TRAF3: variants seen among roughly 807,000 people sequenced by gnomAD.
TRAF3 encodes the protein TNF receptor associated factor 3.
A neutral mutation model predicts 62.3 loss-of-function variants in TRAF3; 13 were observed. The ratio of observed to expected loss-of-function variants is 0.21; its 90% CI spans 0.14 to 0.33. The LOEUF (loss-of-function observed/expected upper bound fraction) is 0.33, where lower values mean the gene tolerates loss of function less well. Ranked by LOEUF, TRAF3 falls within the 10% of genes least tolerant of loss-of-function variation. The probability of loss-of-function intolerance (pLI) is 1.00; values close to 1 mark genes in which losing one functional copy is unlikely to be tolerated. For synonymous variants in TRAF3, 269 were observed against 283.4 expected, an observed-to-expected ratio of 0.95 and a Z score of 0.51; for missense variants, 440 against 741.8, an observed-to-expected ratio of 0.59 and a Z score of 4.73.
intron 2 of TRAF3, among the ~76,000 whole-genome samples, chr14:102,850,743 C>G (rs1199582028): frequency 6.7e-6 from 1 of 150,056 alleles, no homozygotes; most frequent in Non-Finnish European, 1.5e-5. Context: ...AGATGCTGCG[C>G]TCCTGGTAGT....
intron 1 of TRAF3, among the ~76,000 whole-genome samples, chr14:102,803,357 A>C (rs765143565): frequency 6.6e-6 from 1 of 152,140 alleles, no homozygotes; most frequent in Non-Finnish European, 1.5e-5. Flanking sequence ...GGTGGTGGCT[A>C]AGGGCGTGAG....
intron 1 of TRAF3, among the ~76,000 whole-genome samples, chr14:102,799,742 C>T (rs1158710720): frequency 1.3e-5 from 2 of 152,230 alleles, no homozygotes; most frequent in Non-Finnish European, 2.9e-5. Context: ...AGCCACTGCT[C>T]TTGGCCAAGC....
chr14:102,897,940 G>A (rs745382604), intron 10 of TRAF3, among the ~76,000 whole-genome samples: 1 of 152,220 alleles, frequency 6.6e-6, no homozygotes, highest in African/African-American at 2.4e-5. Flanking sequence ...ATGAAATGTC[G>A]CTTCTCCTGT....
At chr14:102,889,500 A>G (rs1201673639) in intron 7 of TRAF3, 60 bp from the exon 8 acceptor site, 4 of 1,545,444 alleles carry the variant, frequency 2.6e-6, no homozygotes, top group Non-Finnish European at 3.6e-6. Flanking sequence ...GTGCCCTAAT[A>G]TGTTTGAACA....
intron 4 of TRAF3, among the ~76,000 whole-genome samples, chr14:102,873,421 A>C (rs1021624374): frequency 6.6e-6 from 1 of 152,218 alleles, no homozygotes; most frequent in Non-Finnish European, 1.5e-5. Flanking sequence ...CTAACGTGTG[A>C]GTGAGAGAGA....
intron 1 of TRAF3, among the ~76,000 whole-genome samples, chr14:102,802,977 AAGG>A (rs1182033911): frequency 6.6e-6 from 1 of 152,224 alleles, no homozygotes; most frequent in East Asian, 1.9e-4. Context: ...TGGTGGCAGC[AAGG>A]AGAAGTGCAG....
At chr14:102,870,532 C>T in intron 3 of TRAF3, 86 bp downstream of exon 3, 1 of 1,541,524 alleles carries the variant, frequency 6.5e-7, no homozygotes, top group Non-Finnish European at 8.8e-7. Flanking sequence ...TAAAAATAAA[C>T]CTCTAGAGGT....
At chr14:102,866,846 TG>T (rs1462177393) in intron 2 of TRAF3, among the ~76,000 whole-genome samples, 70 of 106,596 alleles carry the variant, frequency 6.6e-4, no homozygotes, top group Non-Finnish European at 1.2e-3. Context: ...CTCCATCTCT[TG>T]AAAACACACA....
chr14:102,867,101 T>C (rs76712360), intron 2 of TRAF3, among the ~76,000 whole-genome samples: 1 of 152,174 alleles, frequency 6.6e-6, no homozygotes, highest in Non-Finnish European at 1.5e-5. Context: ...AGTGGAAGTA[T>C]TTGTTGTTAC....
Position 102,777,498 on chromosome 14 carries a change from C to G in TRAF3, c.-334C>G, listed in dbSNP as rs1031502468. ...GAGCGAGGGAGCGCGGCGCGGCCGC[C>G]GCGTGCGCGAGCCGGGGTTGCAGCC... On this transcript the variant is annotated 5_prime_UTR_variant, in exon 1 of 12. Coordinates refer to ENST00000392745, the MANE Select transcript of TRAF3 (RefSeq NM_145725.3). 1 of 143,370 alleles carries G rather than the reference C, an allele frequency of 7.0e-6. No individual in the cohort carries two copies. Among genetic ancestry groups the G allele is most frequent in the Non-Finnish European group, 1.5e-5 (1 of 64,730 alleles). The allele number at this position is 143,370 out of a possible 1,614,324, so 8.9% of individuals were successfully genotyped here.
Position 102,886,266 on chromosome 14 carries a change from C to T in TRAF3, c.648C>T (p.Ser216=), listed in dbSNP as rs1419813524. The T allele has an allele frequency of 6.2e-7, 1 of 1,609,690 alleles. No homozygotes were observed. The highest frequency in any genetic ancestry group is 8.5e-7 in the Non-Finnish European group (1 of 1,178,838). Residue 216 remains serine, a synonymous_variant, in exon 7 of 12, where the codon AGC becomes AGT. Coordinates refer to ENST00000392745, the MANE Select transcript of TRAF3 (RefSeq NM_145725.3). ...HKCSVQTLLR[S]ELSAHLSECV... Reference sequence around the variant, plus strand: ...GCAGCGTCCAGACTCTCCTGAGGAGCGAGGTAGGGGCGGCCGGGCCCGGCC... The same window carrying T: ...GCAGCGTCCAGACTCTCCTGAGGAGTGAGGTAGGGGCGGCCGGGCCCGGCC...
At chr14:102,894,156 G>A (rs1032632917) in intron 9 of TRAF3, among the ~76,000 whole-genome samples, 13 of 152,018 alleles carry the variant, frequency 8.6e-5, no homozygotes, top group Non-Finnish European at 1.5e-4. Flanking sequence ...GTGAAACCCC[G>A]TCTCTACTAA....
intron 4 of TRAF3, among the ~76,000 whole-genome samples, chr14:102,873,249 A>C (rs973755097): frequency 1.3e-5 from 2 of 152,114 alleles, no homozygotes; most frequent in Non-Finnish European, 2.9e-5. Flanking sequence ...CCGCTCTGGA[A>C]GGGGGAGAGA....
intron 1 of TRAF3, among the ~76,000 whole-genome samples, chr14:102,830,046 C>T (rs1406001090): frequency 2.0e-5 from 3 of 152,150 alleles, no homozygotes; most frequent in African/African-American, 7.2e-5. Flanking sequence ...TCTTGATGGC[C>T]AGAGACTGAA....
chr14:102,905,915 G>A lies in TRAF3; in HGVS notation c.*131G>A, dbSNP rs532764488. 1.3e-4 allele frequency: 104 copies of A among 818,772 alleles called. 1 individual carries two copies. The highest frequency in any genetic ancestry group is 1.0e-3 in the South Asian group (57 of 55,664). 50.7% of individuals were successfully genotyped at this position (818,772 alleles called of 1,614,324 possible). A position where few individuals can be genotyped will look rare whatever the true frequency, so the allele number is the denominator to read the frequency against. On this transcript the variant is annotated 3_prime_UTR_variant, in exon 12 of 12. Transcript: ENST00000392745. ...GGAGGAAGCGGCAGAAGGCGGACGC[G>A]TGCCGGCGGGAGGAGCCACGCGTGA...
At chr14:102,862,710 C>T (rs1479478853) in intron 2 of TRAF3, among the ~76,000 whole-genome samples, 3 of 151,572 alleles carry the variant, frequency 2.0e-5, no homozygotes, top group African/African-American at 7.3e-5. Context: ...GTCTTTTTTT[C>T]TCTCTGTCTT....
chr14:102,843,041 C>G (rs1047332136), intron 2 of TRAF3, among the ~76,000 whole-genome samples: 3 of 151,722 alleles, frequency 2.0e-5, no homozygotes, highest in Admixed American at 6.6e-5. Context: ...AACCTCGTCT[C>G]TACTAAAAAA....
At position 102,903,236 on chromosome 14, in the gene TRAF3, A is replaced by T. The variant is rs565106374; in HGVS notation, c.961-19A>T. On this transcript the variant is annotated intron_variant, in intron 10 of 11. Transcript: ENST00000392745. This position sits in a 1 kb window ranked among gnomAD's most constrained non-coding sequence, Gnocchi z 6.4. ...GAGTCCTAACTGTGTTTTGCTTTTTAACACCTTTGGTTTGGAAGCGAGTGA... is the reference window on the plus strand; with the variant it reads ...GAGTCCTAACTGTGTTTTGCTTTTTTACACCTTTGGTTTGGAAGCGAGTGA... 1 of 1,614,168 alleles carries T rather than the reference A, an allele frequency of 6.2e-7. No homozygotes were observed. The highest frequency in any genetic ancestry group is 1.1e-5 in the South Asian group (1 of 91,084).
intron 1 of TRAF3, among the ~76,000 whole-genome samples, chr14:102,824,238 G>A (rs1381174512): frequency 2.0e-5 from 3 of 152,152 alleles, no homozygotes; most frequent in Admixed American, 6.5e-5. Context: ...CTGACCTAGC[G>A]ACTTCTTGTG....
Sources: gnomAD v4.1 joint callset for allele counts (sites outside exome capture counted in the v4.1 genomes callset) on GRCh38, gnomAD v4.1.1 for gene constraint, Gnocchi (gnomAD v3.1) non-coding constraint, MANE v1.5 for transcripts, NCBI Gene and HGNC (gene_info 2026-07-23, HGNC 2026-07-21) for gene names.